The following EBF1 variants were observed in gnomAD, a reference collection of about 807,000 sequenced individuals.
The protein encoded by EBF1 is transcription factor COE1.
Under a neutral mutation model 68.4 loss-of-function variants are expected in EBF1, and 10 were observed. That is an observed-to-expected ratio of 0.15 (90% CI 0.09 to 0.25). The LOEUF (loss-of-function observed/expected upper bound fraction) is 0.25. EBF1 is among the 10% of genes least tolerant of loss of function. The probability of loss-of-function intolerance (pLI) is 1.00; values close to 1 mark genes in which losing one functional copy is unlikely to be tolerated. For synonymous variants in EBF1, 298 were observed against 299.8 expected (o/e 0.99, Z 0.06); for missense variants, 509 against 794.4 (o/e 0.64, Z 4.32).
At chr5:159,031,724 G>A (rs1175992776) in intron 6 of EBF1, among the ~76,000 whole-genome samples, 4 of 152,178 alleles carry the variant, frequency 2.6e-5, no homozygotes, top group African/African-American at 7.2e-5. Flanking sequence ...TCAGCAATGC[G>A]TGGAATGTAA....
At chr5:159,050,139 G>A (rs1210483798) in intron 6 of EBF1, among the ~76,000 whole-genome samples, 2 of 144,118 alleles carry the variant, frequency 1.4e-5, no homozygotes, top group East Asian at 4.2e-4. Context: ...GTAAACAAGA[G>A]GTTCGTTTCT....
At chr5:158,795,515 G>C (rs1655909023) in intron 9 of EBF1, among the ~76,000 whole-genome samples, 1 of 152,102 alleles carries the variant, frequency 6.6e-6, no homozygotes, top group Non-Finnish European at 1.5e-5. Context: ...GAACCCTATG[G>C]TACCTTGTAA....
chr5:158,796,479 C>T lies in EBF1; in HGVS notation c.779-4G>A. On this transcript the variant is annotated splice_polypyrimidine_tract_variant and splice_region_variant and intron_variant, in intron 8 of 15. Coordinates refer to ENST00000313708, the MANE Select transcript of EBF1 (RefSeq NM_024007.5). ...ATGGCTTTGATACAGGGAGTAGCTG[C>T]TTTTCAACACACATGAAAAAGAGAA... The T allele has an allele frequency of 6.2e-7, 1 of 1,610,058 alleles. No individual in the cohort carries two copies. The highest frequency in any genetic ancestry group is 8.5e-7 in the Non-Finnish European group (1 of 1,177,830).
At chr5:158,833,066 G>A (rs1263247039) in intron 7 of EBF1, among the ~76,000 whole-genome samples, 4 of 151,974 alleles carry the variant, frequency 2.6e-5, no homozygotes. Context: ...CTTGATCTCT[G>A]AACTTGAGTG....
chr5:158,740,869 C>CTTTCTCTG (rs1265527574), intron 10 of EBF1, among the ~76,000 whole-genome samples: 1 of 152,204 alleles, frequency 6.6e-6, no homozygotes, highest in African/African-American at 2.4e-5. Context: ...TTGTCTACTA[C>CTTTCTCTG]TTCAGAGCTC....
In EBF1 at chr5:159,097,014, A is replaced by G; in HGVS notation, c.251T>C (p.Ile84Thr). The G allele has an allele frequency of 1.9e-6, 3 of 1,614,088 alleles. No homozygotes were observed. Among genetic ancestry groups the G allele is most frequent in the East Asian group, 2.2e-5 (1 of 44,880 alleles). ...GAACCCCACAAACGCTGTCCTCTCG[A>G]TCTCCACGGGCTGGCCCTGTCTGTC... ...LYDRQGQPVE[I>T]ERTAFVGFVE... Residue 84 changes from isoleucine (I) to threonine (T), a missense_variant, in exon 2 of 16, where the codon ATC (isoleucine) becomes ACC (threonine). Coordinates refer to ENST00000313708, the MANE Select transcript of EBF1 (RefSeq NM_024007.5).
intron 6 of EBF1, among the ~76,000 whole-genome samples, chr5:158,991,491 TTGC>T (rs1760316353): frequency 6.6e-6 from 1 of 152,206 alleles, no homozygotes; most frequent in Non-Finnish European, 1.5e-5. Context: ...ACCACATGTT[TTGC>T]CACTACTTCT....
intron 6 of EBF1, among the ~76,000 whole-genome samples, chr5:159,051,628 A>T (rs1039845078): frequency 6.6e-6 from 1 of 151,762 alleles, no homozygotes; most frequent in African/African-American, 2.4e-5. Context: ...GCTCGGCACC[A>T]GGGCTGGATT....
chr5:158,928,885 T>C (rs1182289762), intron 6 of EBF1, among the ~76,000 whole-genome samples: 1 of 152,232 alleles, frequency 6.6e-6, no homozygotes, highest in Non-Finnish European at 1.5e-5. Flanking sequence ...AAGCCAAATT[T>C]AAACTCATAA....
chr5:158,714,151 A>G lies in EBF1; in HGVS notation c.1157T>C (p.Val386Ala). The G allele has an allele frequency of 6.2e-7, 1 of 1,614,246 alleles. No homozygotes were observed. Among genetic ancestry groups the G allele is most frequent in the South Asian group, 1.1e-5 (1 of 91,086 alleles). The change falls in exon 12 of 16, where the codon GTA (valine) becomes GCA (alanine). Residue 386 changes from valine (V) to alanine (A), a missense_variant. By Grantham distance (64) the Val-to-Ala change is moderately conservative. Transcript: ENST00000313708. ...GTGTGGCATCCCATACAGTGCTTCTACCAGATCCGCAGCCCTTTTGAGTAT... is the reference window on the plus strand; with the variant it reads ...GTGTGGCATCCCATACAGTGCTTCTGCCAGATCCGCAGCCCTTTTGAGTAT... Reference protein sequence around the residue: ...EVILKRAADLVEALYGMPHNN... With the variant: ...EVILKRAADLAEALYGMPHNN...
intron 15 of EBF1, among the ~76,000 whole-genome samples, chr5:158,699,443 C>T (rs1756285097): frequency 6.6e-6 from 1 of 152,034 alleles, no homozygotes; most frequent in Non-Finnish European, 1.5e-5. Context: ...GTTTGAATAC[C>T]ACTGGGAAAG....
intron 6 of EBF1, among the ~76,000 whole-genome samples, chr5:158,906,304 G>GAAAAAAA (rs1238469759): frequency 7.7e-5 from 7 of 90,480 alleles, no homozygotes; most frequent in Non-Finnish European, 8.6e-5. Flanking sequence ...TGGCAATGCA[G>GAAAAAAA]AAAAAAAAAA....
At chr5:158,845,136 C>T (rs1409103075) in intron 6 of EBF1, among the ~76,000 whole-genome samples, 1 of 152,154 alleles carries the variant, frequency 6.6e-6, no homozygotes, top group Non-Finnish European at 1.5e-5. Context: ...TCAGTAAATA[C>T]TTGCTCAACT....
intron 1 of EBF1, among the ~76,000 whole-genome samples, chr5:159,098,159 C>T (rs1020779772): frequency 2.7e-4 from 41 of 152,352 alleles, no homozygotes; most frequent in African/African-American, 9.9e-4. Flanking sequence ...GGGCCTGGGG[C>T]CACCAGATCT....
rs139012035 is a variant in EBF1, at chr5:158,988,022, C to T, written c.554+85374G>A. 2.3e-3 allele frequency among the ~76,000 whole-genome samples: 345 copies of T among 152,242 alleles called. 2 individuals carry two copies. The highest frequency in any genetic ancestry group is 7.5e-3 in the African/African-American group (311 of 41,536). ...CCCAGCTCCTCTGTTTCTGAAGCAC[C>T]GTTTATAACACAGACAACTGGAATA... On this transcript the variant is annotated intron_variant, in intron 6 of 15. Transcript: ENST00000313708.
rs138589183 is a variant in EBF1, at chr5:158,887,508, T to C, written c.555-47398A>G. Among the ~76,000 whole-genome samples, 173 of 152,344 alleles carry C rather than the reference T, an allele frequency of 1.1e-3. 1 individual carries two copies. The highest frequency in any genetic ancestry group is 4.0e-3 in the African/African-American group (165 of 41,592). On this transcript the variant is annotated intron_variant, in intron 6 of 15. Coordinates refer to ENST00000313708, the MANE Select transcript of EBF1 (RefSeq NM_024007.5). ...TTCACGCTAAGGCTCATCTCTGAGA[T>C]GTCCTGTTTCTCAGAAGCAGTTTTA...
intron 6 of EBF1, among the ~76,000 whole-genome samples, chr5:159,062,036 G>GA (rs1457779753): frequency 3.9e-5 from 6 of 152,118 alleles, no homozygotes; most frequent in Admixed American, 2.6e-4. Flanking sequence ...AAGCTTTTGG[G>GA]AAAAAACTAA....
Position 158,698,315 on chromosome 5 carries a change from A to G in EBF1, c.*796T>C, listed in dbSNP as rs1756061615. ...AGGCCATCGGCTTCAGAAGAAACTG[A>G]CTTAAGTAAAAGGAGAGAATGAGAT... On this transcript the variant is annotated 3_prime_UTR_variant, in exon 16 of 16. Transcript: ENST00000313708. 4.5e-6 allele frequency: 1 copy of G among 222,704 alleles called. No individual in the cohort carries two copies. The highest frequency in any genetic ancestry group is 2.2e-5 in the African/African-American group (1 of 44,712). 13.8% of individuals were successfully genotyped at this position (222,704 alleles called of 1,614,324 possible).
chr5:158,839,990 T>G, intron 7 of EBF1, 39 bp downstream of exon 7: 2 of 1,579,474 alleles, frequency 1.3e-6, no homozygotes, highest in Non-Finnish European at 1.7e-6. Flanking sequence ...CTGATATTCA[T>G]GCCATTATTG....
Sources: allele counts gnomAD v4.1 joint callset (sites outside exome capture counted in the v4.1 genomes callset), GRCh38; gene constraint gnomAD v4.1.1; transcripts MANE v1.5; gene names NCBI Gene and HGNC (gene_info 2026-07-23, HGNC 2026-07-21).